Variants in MAST3 observed in about 807,000 individuals in gnomAD.
MAST3 encodes the protein microtubule-associated serine/threonine-protein kinase 3.
A neutral mutation model predicts 127.0 loss-of-function variants in MAST3; 43 were observed. That is an observed-to-expected ratio of 0.34 (90% CI 0.27 to 0.44). The LOEUF is 0.44. Ranked by LOEUF, MAST3 falls within the 20% of genes least tolerant of loss-of-function variation. The pLI, the probability that MAST3 is intolerant of heterozygous loss-of-function variation, is 1.00. For synonymous variants in MAST3, 785 were observed against 809.2 expected (o/e 0.97, Z 0.51); for missense variants, 1,390 against 1,919.1 (o/e 0.72, Z 5.15).
At chr19:18,106,604 T>C (rs1192388551) in intron 1 of MAST3, among the ~76,000 whole-genome samples, 1 of 150,778 alleles carries the variant, frequency 6.6e-6, no homozygotes, top group Non-Finnish European at 1.5e-5. Flanking sequence ...GGAGTTTCGC[T>C]CTTGTTTCCC....
chr19:18,149,660 G>A lies in MAST3; in HGVS notation c.3978G>A (p.Val1326=). Residue 1326 remains valine (V), a synonymous_variant, in exon 28 of 28, where the codon GTG becomes GTA. Coordinates refer to ENST00000687212, the MANE Select transcript of MAST3 (RefSeq NM_001393504.1). This position sits in a 1 kb window ranked among gnomAD's most constrained non-coding sequence, Gnocchi z 5.9. ...AGGCCACTGGGCTGCCCACCTCAGT[G>A]CCACAGATCGCCGTGGAGGGCGAGG... ...QEEATGLPTS[V]PQIAVEGEEA... is the part of the protein sequence containing the mutation. 1 of 1,613,188 alleles carries A rather than the reference G, an allele frequency of 6.2e-7. No homozygotes were observed. The highest frequency in any genetic ancestry group is 8.5e-7 in the Non-Finnish European group (1 of 1,179,880).
rs1188841292 is a variant in MAST3, at chr19:18,110,203, G to A, written c.72-449G>A. On this transcript the variant is annotated intron_variant, in intron 2 of 27. Transcript: ENST00000687212. This position sits in a 1 kb window ranked among gnomAD's most constrained non-coding sequence, Gnocchi z 4.3. ...GTCTAGTCTGCCGCACCAGCCAGGC[G>A]TCTGTCCCTGCGTCCGTGTGTCCGT... is the stretch of plus-strand genomic sequence containing the variant. 22 of 985,488 alleles carry A rather than the reference G, an allele frequency of 2.2e-5. No homozygotes were observed. The African/African-American group carries it at 2.8e-4, about 12-fold the overall frequency. 61.0% of individuals were successfully genotyped at this position (985,488 alleles called of 1,614,324 possible).
intron 3 of MAST3, among the ~76,000 whole-genome samples, chr19:18,111,049 T>C (rs992188681): frequency 5.9e-5 from 9 of 152,160 alleles, no homozygotes; most frequent in East Asian, 1.9e-4. Context: ...CCCTGCTGAA[T>C]TGGCCTGGAC....
At position 18,146,948 on chromosome 19, in the gene MAST3, G is replaced by A. The variant is rs777686134; in HGVS notation, c.3230G>A (p.Arg1077Gln). ...ENTSIKVGPA[R>Q]KNVAKGRMAR... ...ACCTCCATCAAGGTGGGCCCCGCCC[G>A]GAAGAATGTGGCCAAGGGCCGCATG... The change falls in exon 26 of 28, where the codon CGG becomes CAG. Residue 1077 changes from arginine (R) to glutamine (Q), a missense_variant. Arg to Gln is a conservative substitution (Grantham distance 43). Around this residue, in one of 5 missense-constraint regions of MAST3, gnomAD observed 816 missense variants for 934.1 expected, o/e 0.87. Transcript: ENST00000687212. 35 of 1,560,502 alleles carry A rather than the reference G, an allele frequency of 2.2e-5. No homozygotes were observed. Among genetic ancestry groups the A allele is most frequent in the Admixed American group, 9.6e-5 (5 of 51,864 alleles).
chr19:18,129,207 A>G, intron 13 of MAST3: 1 of 522,640 alleles, frequency 1.9e-6, no homozygotes, highest in Non-Finnish European at 3.4e-6. Flanking sequence ...TTGGGGGCTG[A>G]TCAAGGAAAT....
Position 18,144,068 on chromosome 19 carries a change from T to C in MAST3, c.2584+61T>C. 2.6e-6 allele frequency: 4 copies of C among 1,527,758 alleles called. No individual in the cohort carries two copies. Among genetic ancestry groups the C allele is most frequent in the Non-Finnish European group, 3.5e-6 (4 of 1,138,540 alleles). 94.6% of individuals were successfully genotyped at this position (1,527,758 alleles called of 1,614,324 possible). ...GGAAGTTTCCCAGAGGAGGGGCTAT[T>C]TGAGATGGGTTTTCAAGGATGAGTA... On this transcript the variant is annotated intron_variant, in intron 22 of 27. Coordinates refer to ENST00000687212, the MANE Select transcript of MAST3 (RefSeq NM_001393504.1). The surrounding 1 kb of genome is among the most constrained non-coding windows in gnomAD (Gnocchi z 4.0).
Position 18,145,641 on chromosome 19 carries a change from G to A in MAST3, c.3040-102G>A. ...GATCAGGGAAACTGAGACAGCACAA[G>A]AGGCAGCAGCTTGCTGGGGTCCCAC... On this transcript the variant is annotated intron_variant, in intron 24 of 27. Transcript: ENST00000687212. The surrounding 1 kb of genome is among the most constrained non-coding windows in gnomAD (Gnocchi z 5.9). 5 of 1,348,780 alleles carry A rather than the reference G, an allele frequency of 3.7e-6. No individual in the cohort carries two copies. The highest frequency in any genetic ancestry group is 4.9e-6 in the Non-Finnish European group (5 of 1,014,558). 83.6% of individuals were successfully genotyped at this position (1,348,780 alleles called of 1,614,324 possible). A position where few individuals can be genotyped will look rare whatever the true frequency, so the allele number is the denominator to read the frequency against.
intron 1 of MAST3, among the ~76,000 whole-genome samples, chr19:18,106,844 T>TA (rs1568546895): frequency 6.6e-6 from 1 of 151,756 alleles, no homozygotes; most frequent in African/African-American, 2.4e-5. Context: ...GCTCTGGGAT[T>TA]ACAGGTATGA....
intron 1 of MAST3, among the ~76,000 whole-genome samples, chr19:18,101,669 C>T (rs907891992): frequency 2.0e-5 from 3 of 152,082 alleles, no homozygotes; most frequent in African/African-American, 2.4e-5. Context: ...CTTGCCCTGT[C>T]GCCCAGGCTG....
rs184139075 is a variant in MAST3, at chr19:18,103,860, C to T, written c.40-3727C>T. 3.3e-5 allele frequency among the ~76,000 whole-genome samples: 5 copies of T among 152,184 alleles called. No homozygotes were observed. In the East Asian group the frequency reaches 9.7e-4, roughly 29 times the overall value. Reference sequence around the variant, plus strand: ...CCTGGATGGGGTGCAAGTGGGACCCCCCACCAGGGTTCAAATCCCTCCCTG... The same window carrying T: ...CCTGGATGGGGTGCAAGTGGGACCCTCCACCAGGGTTCAAATCCCTCCCTG... On this transcript the variant is annotated intron_variant, in intron 1 of 27. Coordinates refer to ENST00000687212, the MANE Select transcript of MAST3 (RefSeq NM_001393504.1).
chr19:18,144,040 C>T lies in MAST3; in HGVS notation c.2584+33C>T, dbSNP rs1347391147. ...GGGCCCTGAGTAAGAGGGATGATGT[C>T]ATGGAAGTTTCCCAGAGGAGGGGCT... On this transcript the variant is annotated intron_variant, in intron 22 of 27. Coordinates refer to ENST00000687212, the MANE Select transcript of MAST3 (RefSeq NM_001393504.1). This position sits in a 1 kb window ranked among gnomAD's most constrained non-coding sequence, Gnocchi z 4.0. 6.5e-7 allele frequency: 1 copy of T among 1,546,770 alleles called. No individual in the cohort carries two copies.
intron 3 of MAST3, among the ~76,000 whole-genome samples, chr19:18,114,754 A>T (rs2039028706): frequency 6.6e-6 from 1 of 152,142 alleles, no homozygotes; most frequent in African/African-American, 2.4e-5. Context: ...TTGGGCGCTC[A>T]TAGGCAAAGT....
chr19:18,107,749 C>A (rs980160427), intron 2 of MAST3, 131 bp downstream of exon 2: 3 of 1,033,622 alleles, frequency 2.9e-6, no homozygotes, highest in South Asian at 3.1e-5. Context: ...TTCTTGCCCT[C>A]GTGTTTGCAA....
chr19:18,143,031 G>C lies in MAST3; in HGVS notation c.2340-732G>C, dbSNP rs557373887. ...GGAGGCTTAGGCACGAGAATTGCTT[G>C]ACCCTGGGAGGCGGAGGTTACAGTG... On this transcript the variant is annotated intron_variant, in intron 21 of 27. Coordinates refer to ENST00000687212, the MANE Select transcript of MAST3 (RefSeq NM_001393504.1). Among the ~76,000 whole-genome samples, 11 of 151,676 alleles carry C rather than the reference G, an allele frequency of 7.3e-5. No homozygotes were observed. The South Asian group carries it at 1.5e-3, about 20-fold the overall frequency.
intron 3 of MAST3, among the ~76,000 whole-genome samples, chr19:18,114,735 G>C (rs1378596237): frequency 6.6e-6 from 1 of 152,140 alleles, no homozygotes; most frequent in Non-Finnish European, 1.5e-5. Flanking sequence ...TGTTGAAGAA[G>C]GCCATGAGTT....
At chr19:18,099,112 G>T (rs1316622427) in intron 1 of MAST3, among the ~76,000 whole-genome samples, 2 of 151,830 alleles carry the variant, frequency 1.3e-5, no homozygotes, top group Non-Finnish European at 2.9e-5. Flanking sequence ...CGGGCGGGTT[G>T]AGGGGGTGAG....
At chr19:18,143,685 G>A in intron 21 of MAST3, 78 bp from the exon 22 acceptor site, 1 of 1,569,534 alleles carries the variant, frequency 6.4e-7, no homozygotes, top group Non-Finnish European at 8.6e-7. Flanking sequence ...TGAGAGTTAA[G>A]ATGTGGCCAT....
At position 18,144,077 on chromosome 19, in the gene MAST3, G is replaced by C. The variant is rs938424125; in HGVS notation, c.2584+70G>C. Reference sequence around the variant, plus strand: ...CCAGAGGAGGGGCTATTTGAGATGGGTTTTCAAGGATGAGTAGGAGTTCTC... The same window carrying C: ...CCAGAGGAGGGGCTATTTGAGATGGCTTTTCAAGGATGAGTAGGAGTTCTC... On this transcript the variant is annotated intron_variant, in intron 22 of 27. Coordinates refer to ENST00000687212, the MANE Select transcript of MAST3 (RefSeq NM_001393504.1). This position sits in a 1 kb window ranked among gnomAD's most constrained non-coding sequence, Gnocchi z 4.0. 13 of 1,518,186 alleles carry C rather than the reference G, an allele frequency of 8.6e-6. No individual in the cohort carries two copies. Among genetic ancestry groups the C allele is most frequent in the Non-Finnish European group, 9.7e-6 (11 of 1,134,194 alleles). The allele number at this position is 1,518,186 out of a possible 1,614,324, so 94.0% of individuals were successfully genotyped here. A position where few individuals can be genotyped will look rare whatever the true frequency, so the allele number is the denominator to read the frequency against.
chr19:18,135,310 C>T (rs1181360323), intron 17 of MAST3, among the ~76,000 whole-genome samples: 2 of 151,860 alleles, frequency 1.3e-5, no homozygotes, highest in African/African-American at 2.4e-5. Context: ...ACTAAAAATA[C>T]AAAAATTAGC....
Sources: gnomAD v4.1 joint callset for allele counts (sites outside exome capture counted in the v4.1 genomes callset) on GRCh38, gnomAD v4.1.1 for gene constraint, gnomAD v4.1.1 regional missense constraint, Gnocchi (gnomAD v3.1) non-coding constraint, MANE v1.5 for transcripts, NCBI Gene and HGNC (gene_info 2026-07-23, HGNC 2026-07-21) for gene names.